Variants in ANKRD36B observed in about 807,000 individuals in gnomAD.
ANKRD36B encodes ankyrin repeat domain 36B.
In ANKRD36B, 37 loss-of-function variants were observed where a neutral mutation model predicts 135.7. The ratio of observed to expected loss-of-function variants is 0.27; its 90% CI spans 0.21 to 0.36. The LOEUF (loss-of-function observed/expected upper bound fraction) is 0.36, where lower values mean the gene tolerates loss of function less well. Ranked by LOEUF, ANKRD36B falls within the 10% of genes least tolerant of loss-of-function variation. The probability of loss-of-function intolerance (pLI) is 1.00; values close to 1 mark genes in which losing one functional copy is unlikely to be tolerated. For missense variants in ANKRD36B, 549 were observed against 1,037.1 expected (o/e 0.53, Z 6.46); for synonymous variants, 179 against 348.1 (o/e 0.51, Z 5.41).
intron 6 of ANKRD36B, among the ~76,000 whole-genome samples, chr2:97,575,122 T>A (rs1202619943): frequency 6.6e-6 from 1 of 151,866 alleles, no homozygotes. Context: ...TCACTTTTTT[T>A]ATTTTTGCAA....
intron 28 of ANKRD36B, among the ~76,000 whole-genome samples, 200 bp from the exon 29 acceptor site, chr2:97,540,429 T>C (rs2079096355): frequency 1.0e-5 from 1 of 96,192 alleles, no homozygotes; most frequent in African/African-American, 3.1e-5. Flanking sequence ...AAAAATATAC[T>C]TACAATTTCA....
Position 97,584,651 on chromosome 2 carries a change from A to G in ANKRD36B, c.450+293T>C, listed in dbSNP as rs2082850292. Among the ~76,000 whole-genome samples the G allele has an allele frequency of 3.8e-5, 5 of 130,706 alleles. No homozygotes were observed. The South Asian group carries it at 1.1e-3, about 30-fold the overall frequency. The allele number at this position is 130,706 out of a possible 152,430, so 85.7% of individuals were successfully genotyped here. A position where few individuals can be genotyped will look rare whatever the true frequency, so the allele number is the denominator to read the frequency against. ...TTAGAAAAAAAGTAATTTAGTGGAAAAACACTTAACTATTACCTTTCCCAA... is the reference window on the plus strand; with the variant it reads ...TTAGAAAAAAAGTAATTTAGTGGAAGAACACTTAACTATTACCTTTCCCAA... On this transcript the variant is annotated intron_variant, in intron 3 of 43. Transcript: ENST00000359901.
intron 20 of ANKRD36B, among the ~76,000 whole-genome samples, chr2:97,548,381 C>A (rs2079699931): frequency 6.6e-6 from 1 of 152,060 alleles, no homozygotes; most frequent in Non-Finnish European, 1.5e-5. Flanking sequence ...GTTTCTTCAT[C>A]CAGTCGTGGC....
intron 3 of ANKRD36B, among the ~76,000 whole-genome samples, chr2:97,584,325 T>G (rs1214378668): frequency 8.3e-6 from 1 of 120,930 alleles, no homozygotes; most frequent in African/African-American, 3.7e-5. Context: ...GCGATCTTTG[T>G]CTAAACATAT....
intron 43 of ANKRD36B, among the ~76,000 whole-genome samples, chr2:97,495,937 G>GC (rs1168094069): frequency 9.3e-6 from 1 of 107,032 alleles, no homozygotes; most frequent in Non-Finnish European, 2.6e-5. Flanking sequence ...AGCCACATTA[G>GC]CCCCCATGAT....
chr2:97,539,913 T>C lies in ANKRD36B; in HGVS notation c.1987+121A>G. 4.6e-6 allele frequency: 2 copies of C among 438,846 alleles called. 1 individual carries two copies. Among genetic ancestry groups the C allele is most frequent in the South Asian group, 3.6e-5 (2 of 55,936 alleles). 27.2% of individuals were successfully genotyped at this position (438,846 alleles called of 1,614,324 possible). A position where few individuals can be genotyped will look rare whatever the true frequency, so the allele number is the denominator to read the frequency against. ...CCGAGAACTTATTACAAATGAAGAA[T>C]CTCAGGTCTGCAGAATCGGAATGTG... On this transcript the variant is annotated intron_variant, in intron 30 of 43. Coordinates refer to ENST00000359901, the MANE Select transcript of ANKRD36B (RefSeq NM_001393939.1).
At chr2:97,494,528 A>G (rs1234609518) in intron 43 of ANKRD36B, among the ~76,000 whole-genome samples, 3 of 107,354 alleles carry the variant, frequency 2.8e-5, no homozygotes, top group African/African-American at 7.8e-5. Context: ...GCTATCCAGG[A>G]GAGATCAACC....
At chr2:97,550,851 T>A (rs2104649325) in intron 18 of ANKRD36B, among the ~76,000 whole-genome samples, 1 of 151,974 alleles carries the variant, frequency 6.6e-6, no homozygotes, top group East Asian at 2.0e-4. Context: ...ATTCAGAAAA[T>A]AATTGCTACA....
chr2:97,574,985 T>C (rs2082133296), intron 6 of ANKRD36B, among the ~76,000 whole-genome samples: 2 of 152,044 alleles, frequency 1.3e-5, no homozygotes, highest in African/African-American at 4.8e-5. Context: ...ATCACATCAA[T>C]AGCCCACATT....
At position 97,531,034 on chromosome 2, in the gene ANKRD36B, G is replaced by A. The variant is rs1335783015; in HGVS notation, c.2265+1277C>T. Among the ~76,000 whole-genome samples the A allele has an allele frequency of 2.1e-5, 2 of 95,200 alleles. 1 individual carries two copies. The highest frequency in any genetic ancestry group is 5.6e-5 in the Non-Finnish European group (2 of 35,828). The allele number at this position is 95,200 out of a possible 152,430, so 62.5% of individuals were successfully genotyped here. On this transcript the variant is annotated intron_variant, in intron 35 of 43. Coordinates refer to ENST00000359901, the MANE Select transcript of ANKRD36B (RefSeq NM_001393939.1). ...GGATCTAGAACTAGAAATACCATTT[G>A]ACCCTGCCATCCCATTACTGGGTAT...
rs372382263 is a variant in ANKRD36B, at chr2:97,568,673, G to A, written c.763+7706C>T. ...AGAGAGAAGCTTATAAAGAAATACT[G>A]GGAATGGTATGGCAAGTTGCCAGGG... On this transcript the variant is annotated intron_variant, in intron 6 of 43. Coordinates refer to ENST00000359901, the MANE Select transcript of ANKRD36B (RefSeq NM_001393939.1). Among the ~76,000 whole-genome samples, 54 of 152,160 alleles carry A rather than the reference G, an allele frequency of 3.5e-4. 2 individuals carry two copies. In the East Asian group the frequency reaches 8.3e-3, roughly 23 times the overall value.
At position 97,547,538 on chromosome 2, in the gene ANKRD36B, C is replaced by G. The variant is rs185376602; in HGVS notation, c.1577G>C (p.Arg526Thr). Residue 526 changes from arginine to threonine, a missense_variant and splice_region_variant, in exon 22 of 44, where the codon AGA (arginine) becomes ACA (threonine). Physicochemically the swap from Arg to Thr is moderately conservative, Grantham distance 71. Coordinates refer to ENST00000359901, the MANE Select transcript of ANKRD36B (RefSeq NM_001393939.1). The stretch of plus-strand genomic sequence containing the variant: ...ATTAAATCTCTTTTCAAAATTACCT[C>G]TCCTAGTTTTTTCTCCATCTTTTTT... ...RGKKDGEKTR[R>T]VSSHKQPSLK... 819 of 1,540,142 alleles carry G rather than the reference C, an allele frequency of 5.3e-4. 4 individuals are homozygous for G. In the African/African-American group the frequency reaches 9.9e-3, roughly 19 times the overall value.
Position 97,531,546 on chromosome 2 carries a change from T to A in ANKRD36B, c.2265+765A>T, listed in dbSNP as rs2078605176. Reference sequence around the variant, plus strand: ...CATTGTGCACATGTTCCCTAAAATTTAAAGTACAATAATAATAAAATAAAA... The same window carrying A: ...CATTGTGCACATGTTCCCTAAAATTAAAAGTACAATAATAATAAAATAAAA... On this transcript the variant is annotated intron_variant, in intron 35 of 43. Coordinates refer to ENST00000359901, the MANE Select transcript of ANKRD36B (RefSeq NM_001393939.1). Among the ~76,000 whole-genome samples the A allele has an allele frequency of 4.3e-5, 4 of 94,046 alleles. 2 individuals are homozygous for A. Among genetic ancestry groups the A allele is most frequent in the Admixed American group, 3.8e-4 (4 of 10,468 alleles). 61.7% of individuals were successfully genotyped at this position (94,046 alleles called of 152,430 possible). A position where few individuals can be genotyped will look rare whatever the true frequency, so the allele number is the denominator to read the frequency against.
intron 6 of ANKRD36B, among the ~76,000 whole-genome samples, chr2:97,570,990 T>A (rs1464428451): frequency 6.6e-6 from 1 of 152,226 alleles, no homozygotes; most frequent in Non-Finnish European, 1.5e-5. Flanking sequence ...TATTTCTGCA[T>A]GAATAAATCC....
chr2:97,584,837 T>A (rs1436554378), intron 3 of ANKRD36B, 107 bp downstream of exon 3: 2 of 650,046 alleles, frequency 3.1e-6, no homozygotes, highest in African/African-American at 4.2e-5. Flanking sequence ...ATATTTTCAT[T>A]CAAGGAATGT....
chr2:97,564,621 T>C (rs1257386396), intron 6 of ANKRD36B, among the ~76,000 whole-genome samples: 2 of 152,174 alleles, frequency 1.3e-5, no homozygotes, highest in Non-Finnish European at 2.9e-5. Context: ...CCAACACCAT[T>C]TATTAAATAG....
At position 97,533,349 on chromosome 2, in the gene ANKRD36B, T is replaced by C. The variant is rs1242704412; in HGVS notation, c.2192-965A>G. Among the ~76,000 whole-genome samples, 2 of 97,092 alleles carry C rather than the reference T, an allele frequency of 2.1e-5. 1 individual carries two copies. Among genetic ancestry groups the C allele is most frequent in the East Asian group, 4.6e-4 (2 of 4,346 alleles). The allele number at this position is 97,092 out of a possible 152,430, so 63.7% of individuals were successfully genotyped here. ...GTGTATCTATTTCAATGTAAACATGTTGACTGATAATGAGAAAAATGATCC... is the reference window on the plus strand; with the variant it reads ...GTGTATCTATTTCAATGTAAACATGCTGACTGATAATGAGAAAAATGATCC... On this transcript the variant is annotated intron_variant, in intron 34 of 43. Coordinates refer to ENST00000359901, the MANE Select transcript of ANKRD36B (RefSeq NM_001393939.1).
At position 97,551,270 on chromosome 2, in the gene ANKRD36B, A is replaced by T. The variant is rs772311875; in HGVS notation, c.1375+19T>A. 1.2e-4 allele frequency: 178 copies of T among 1,545,794 alleles called. No homozygotes were observed. Among genetic ancestry groups the T allele is most frequent in the Non-Finnish European group, 1.5e-4 (175 of 1,149,240 alleles). ...TTATCTGGACTGAACATGACATTAA[A>T]TGTGTTTCGCAAAATTACCTGTCCT... is the stretch of plus-strand genomic sequence containing the variant. On this transcript the variant is annotated intron_variant, in intron 18 of 43. Coordinates refer to ENST00000359901, the MANE Select transcript of ANKRD36B (RefSeq NM_001393939.1).
rs1221499754 is a variant in ANKRD36B, at chr2:97,542,313, CATTTCAAACGTAGTA to C, written c.1784-221_1784-207del. On this transcript the variant is annotated intron_variant, in intron 26 of 43. Transcript: ENST00000359901. ...CAGGTTTCAAGAAATATACACTAAG[CATTTCAAACGTAGTA>C]TGATTTGTCATATGACTAAAACTAA... 3.5e-5 allele frequency among the ~76,000 whole-genome samples: 2 copies of C among 56,448 alleles called. 1 individual carries two copies. The highest frequency in any genetic ancestry group is 1.0e-4 in the Non-Finnish European group (2 of 19,946). 37.0% of individuals were successfully genotyped at this position (56,448 alleles called of 152,430 possible).
Sources: allele counts gnomAD v4.1 joint callset (sites outside exome capture counted in the v4.1 genomes callset), GRCh38; gene constraint gnomAD v4.1.1; transcripts MANE v1.5; gene names NCBI Gene and HGNC (gene_info 2026-07-23, HGNC 2026-07-21).